BLTP3B: variants seen among roughly 807,000 people sequenced by gnomAD.
BLTP3B encodes the protein bridge-like lipid transfer protein family member 3B, also known as UHRF1 (ICBP90) binding protein 1-like.
At chr12:100,078,882 G>C in the BLTP3B span, among the ~76,000 whole-genome samples, 98 of 152,200 alleles carry the variant, frequency 6.4e-4, 2 homozygotes, top group East Asian at 0.015. Context: ...TGAATTATGG[G>C]GGCAAGTCTT....
At chr12:100,118,646 AAGAG>A in the BLTP3B span, among the ~76,000 whole-genome samples, 1 of 152,230 alleles carries the variant, frequency 6.6e-6, no homozygotes, top group Non-Finnish European at 1.5e-5. Flanking sequence ...TGCTAATAGT[AAGAG>A]AGACTAAATG....
chr12:100,070,368 C>A, the BLTP3B span, among the ~76,000 whole-genome samples: 257 of 151,614 alleles, frequency 1.7e-3, 1 homozygote, highest in African/African-American at 5.8e-3. Flanking sequence ...CTCACCACAA[C>A]CTCTGCCTCC....
the BLTP3B span, among the ~76,000 whole-genome samples, chr12:100,132,621 C>T: frequency 2.6e-5 from 4 of 152,140 alleles, no homozygotes; most frequent in Middle Eastern, 3.2e-3. Flanking sequence ...AGTAGAACCA[C>T]GAGCTAAATA....
At chr12:100,115,663 C>A in the BLTP3B span, among the ~76,000 whole-genome samples, 1 of 151,784 alleles carries the variant, frequency 6.6e-6, no homozygotes, top group East Asian at 1.9e-4. Flanking sequence ...ACCTGGGAGA[C>A]TGAGGTAGGA....
the BLTP3B span, chr12:100,128,696 A>G: frequency 6.2e-6 from 8 of 1,288,608 alleles, no homozygotes; most frequent in Non-Finnish European, 8.1e-6. Context: ...TTCACAGCAC[A>G]CCAATCTCCA....
the BLTP3B span, among the ~76,000 whole-genome samples, chr12:100,095,484 A>G: frequency 4.1e-3 from 622 of 152,372 alleles, 8 homozygotes; most frequent in African/African-American, 0.014. Context: ...TAAACAGAAT[A>G]AACACTAACA....
chr12:100,124,970 A>ATT, the BLTP3B span, among the ~76,000 whole-genome samples: 1 of 101,080 alleles, frequency 9.9e-6, no homozygotes, highest in African/African-American at 5.3e-5. Context: ...ATATATATAT[A>ATT]TATATATATT....
the BLTP3B span, chr12:100,102,716 T>TTAA: frequency 8.2e-7 from 1 of 1,224,562 alleles, no homozygotes; most frequent in South Asian, 1.4e-5. Context: ...TTTTTTTTTT[T>TTAA]TTTAATGTCC....
chr12:100,039,710 A>G, the BLTP3B span: 1 of 1,614,052 alleles, frequency 6.2e-7, no homozygotes, highest in Non-Finnish European at 8.5e-7. Flanking sequence ...TCTTCAGATC[A>G]TACTTTCCAC....
chr12:100,098,945 C>G, the BLTP3B span, among the ~76,000 whole-genome samples: 1,758 of 122,028 alleles, frequency 0.014, 17 homozygotes, highest in East Asian at 0.04. Context: ...CAGACAGACA[C>G]ATAGATACAT....
chr12:100,050,967 C>T, the BLTP3B span: 20 of 1,401,402 alleles, frequency 1.4e-5, 1 homozygote, highest in South Asian at 2.6e-4. Flanking sequence ...TTGAATTGCC[C>T]ACCATCTAAG....
chr12:100,123,174 A>C, the BLTP3B span, among the ~76,000 whole-genome samples: 1 of 151,966 alleles, frequency 6.6e-6, no homozygotes, highest in African/African-American at 2.4e-5. Flanking sequence ...GAGAGATTAA[A>C]GGTATTGTAC....
At chr12:100,083,013 T>C in the BLTP3B span, 2 of 1,605,848 alleles carry the variant, frequency 1.2e-6, no homozygotes, top group Middle Eastern at 1.7e-4. Context: ...AAAGAAAACA[T>C]ACCTGGTATA....
the BLTP3B span, among the ~76,000 whole-genome samples, chr12:100,137,254 C>T: frequency 4.6e-5 from 7 of 152,124 alleles, no homozygotes; most frequent in Non-Finnish European, 1.0e-4. Context: ...ATTCCCAATC[C>T]TTTGACGGTT....
the BLTP3B span, among the ~76,000 whole-genome samples, chr12:100,055,371 A>G: frequency 1.3e-5 from 2 of 152,154 alleles, no homozygotes; most frequent in African/African-American, 4.8e-5. Flanking sequence ...TATAGTAAAT[A>G]TTAGCTTAGA....
At chr12:100,073,576 T>C in the BLTP3B span, among the ~76,000 whole-genome samples, 1 of 151,948 alleles carries the variant, frequency 6.6e-6, no homozygotes, top group African/African-American at 2.4e-5. Flanking sequence ...TATGTATATG[T>C]GTGTGTATAT....
chr12:100,042,088 A>G, the BLTP3B span, among the ~76,000 whole-genome samples: 191 of 152,310 alleles, frequency 1.3e-3, no homozygotes, highest in Non-Finnish European at 1.4e-3. Flanking sequence ...AAACTATAAA[A>G]CATCGTTGAA....
chr12:100,066,330 C>A, the BLTP3B span, among the ~76,000 whole-genome samples: 3 of 151,940 alleles, frequency 2.0e-5, no homozygotes, highest in Non-Finnish European at 2.9e-5. Context: ...TATCACAATC[C>A]GAAACATACA....
the BLTP3B span, among the ~76,000 whole-genome samples, chr12:100,114,601 T>C: frequency 1.8e-4 from 28 of 152,220 alleles, no homozygotes; most frequent in Non-Finnish European, 2.4e-4. Context: ...AGCTTCTGTT[T>C]GATTTTATTC....
Sources: allele counts gnomAD v4.1 joint callset (sites outside exome capture counted in the v4.1 genomes callset), GRCh38; gene constraint gnomAD v4.1.1; transcripts MANE v1.5; gene names NCBI Gene and HGNC (gene_info 2026-07-23, HGNC 2026-07-21).